The following GRIA4 variants were observed in gnomAD, a reference collection of about 807,000 sequenced individuals.
GRIA4 encodes the protein glutamate ionotropic receptor AMPA type subunit 4, also known as glutamate receptor 4.
A neutral mutation model predicts 104.0 loss-of-function variants in GRIA4; 34 were observed. The observed-to-expected ratio is 0.33, with a 90% CI of 0.25 to 0.44. The LOEUF (loss-of-function observed/expected upper bound fraction) is 0.44. Among genes scored for constraint, GRIA4 ranks in the 20% least tolerant of loss-of-function variants. The probability of loss-of-function intolerance (pLI) is 1.00; values close to 1 mark genes in which losing one functional copy is unlikely to be tolerated. For missense variants in GRIA4, 750 were observed against 1,096.5 expected (o/e 0.68, Z 4.46); for synonymous variants, 386 against 381.9 (o/e 1.01, Z -0.13).
At chr11:105,656,033 C>T (rs553973180) in intron 3 of GRIA4, among the ~76,000 whole-genome samples, 27 of 152,098 alleles carry the variant, frequency 1.8e-4, no homozygotes, top group South Asian at 1.0e-3. Context: ...TTCTAACTGG[C>T]GTGAGATGGT....
At chr11:105,617,658 T>G (rs569124928) in intron 3 of GRIA4, among the ~76,000 whole-genome samples, 1 of 152,224 alleles carries the variant, frequency 6.6e-6, no homozygotes, top group Non-Finnish European at 1.5e-5. Flanking sequence ...AAGGCTGAAG[T>G]CATATTATGT....
intron 3 of GRIA4, among the ~76,000 whole-genome samples, chr11:105,623,166 C>T (rs1231929597): frequency 1.3e-5 from 2 of 150,442 alleles, no homozygotes; most frequent in African/African-American, 4.9e-5. Flanking sequence ...GTGAATAGCT[C>T]TGTGATAAAC....
At chr11:105,959,394 G>A (rs928418816) in intron 14 of GRIA4, among the ~76,000 whole-genome samples, 6 of 151,894 alleles carry the variant, frequency 4.0e-5, no homozygotes, top group Admixed American at 1.3e-4. Flanking sequence ...TGGTCGATTC[G>A]GCTGTTGATA....
intron 4 of GRIA4, among the ~76,000 whole-genome samples, chr11:105,846,377 T>C (rs1410327499): frequency 6.6e-6 from 1 of 152,156 alleles, no homozygotes; most frequent in South Asian, 2.1e-4. Context: ...AGAAAATATT[T>C]ACATACATAT....
intron 3 of GRIA4, among the ~76,000 whole-genome samples, chr11:105,710,861 C>T (rs1490466488): frequency 1.3e-5 from 2 of 151,888 alleles, no homozygotes; most frequent in Admixed American, 1.3e-4. Flanking sequence ...TGATATTTAG[C>T]AAATATTAAA....
At chr11:105,860,016 C>T (rs955520569) in intron 4 of GRIA4, among the ~76,000 whole-genome samples, 30 of 151,814 alleles carry the variant, frequency 2.0e-4, no homozygotes, top group South Asian at 2.1e-4. Flanking sequence ...GGTTTTGGGG[C>T]GGAGGATCTA....
chr11:105,668,503 G>C (rs1328859819), intron 3 of GRIA4, among the ~76,000 whole-genome samples: 1 of 151,230 alleles, frequency 6.6e-6, no homozygotes, highest in Non-Finnish European at 1.5e-5. Flanking sequence ...ATTTCCTTCA[G>C]GTATACACCC....
chr11:105,685,451 A>G (rs1952849194), intron 3 of GRIA4, among the ~76,000 whole-genome samples: 1 of 152,184 alleles, frequency 6.6e-6, no homozygotes, highest in Non-Finnish European at 1.5e-5. Context: ...ATTATGTTAG[A>G]TTATGTGGAA....
intron 14 of GRIA4, among the ~76,000 whole-genome samples, chr11:105,951,954 C>T (rs1165210962): frequency 6.6e-6 from 1 of 151,898 alleles, no homozygotes; most frequent in Non-Finnish European, 1.5e-5. Flanking sequence ...CAGAGTGAGA[C>T]CCTGTCTCAA....
intron 4 of GRIA4, among the ~76,000 whole-genome samples, chr11:105,805,754 G>C (rs904112342): frequency 1.3e-5 from 2 of 151,768 alleles, no homozygotes; most frequent in African/African-American, 4.8e-5. Context: ...TTTTAGTAAG[G>C]ATTTATGAAA....
Position 105,924,464 on chromosome 11 carries a change from T to C in GRIA4, c.1542T>C (p.Ser514=). Residue 514 remains serine (S), a synonymous_variant, in exon 12 of 17, where the codon TCT becomes TCC. Coordinates refer to ENST00000282499, the MANE Select transcript of GRIA4 (RefSeq NM_000829.4). The part of the protein sequence containing the change: ...TLVREEVIDF[S]KPFMSLGISI... ...TACGAGAGGAGGTCATTGACTTTTC[T>C]AAGCCCTTCATGAGTTTGGGCATAT... 6.2e-7 allele frequency: 1 copy of C among 1,612,434 alleles called. No homozygotes were observed. The highest frequency in any genetic ancestry group is 1.1e-5 in the South Asian group (1 of 91,014).
chr11:105,726,358 C>CA (rs1367867738), intron 3 of GRIA4, among the ~76,000 whole-genome samples: 8 of 152,122 alleles, frequency 5.3e-5, no homozygotes, highest in Admixed American at 5.2e-4. Context: ...CCTCTCTGGG[C>CA]AAGGCATCTC....
At chr11:105,822,465 G>C (rs1943611140) in intron 4 of GRIA4, among the ~76,000 whole-genome samples, 2 of 152,030 alleles carry the variant, frequency 1.3e-5, no homozygotes, top group Non-Finnish European at 2.9e-5. Flanking sequence ...AGGGAAATTT[G>C]TTCTCATTAC....
intron 4 of GRIA4, among the ~76,000 whole-genome samples, chr11:105,828,699 C>T (rs1346612705): frequency 6.6e-6 from 1 of 151,310 alleles, no homozygotes; most frequent in East Asian, 1.9e-4. Context: ...TTCAGACTTT[C>T]ACTCTTTGTG....
intron 4 of GRIA4, among the ~76,000 whole-genome samples, chr11:105,803,124 GTGTATTGAGC>G (rs1234168000): frequency 6.6e-6 from 1 of 151,942 alleles, no homozygotes; most frequent in Non-Finnish European, 1.5e-5. Context: ...GTGTTAAAAT[GTGTATTGAGC>G]CAAGCACACT....
chr11:105,853,891 G>A (rs182604998), intron 4 of GRIA4, among the ~76,000 whole-genome samples: 43 of 152,048 alleles, frequency 2.8e-4, no homozygotes, highest in South Asian at 6.2e-4. Context: ...TCCACTCTTC[G>A]GATGCATCAT....
At chr11:105,611,211 C>A (rs898768618) in intron 2 of GRIA4, 126 bp downstream of exon 2, 20 of 719,762 alleles carry the variant, frequency 2.8e-5, no homozygotes, top group Non-Finnish European at 4.3e-5. Flanking sequence ...CTGTTTCCCT[C>A]CTCTTCCTTT....
At chr11:105,690,090 G>T (rs1953030595) in intron 3 of GRIA4, among the ~76,000 whole-genome samples, 1 of 152,074 alleles carries the variant, frequency 6.6e-6, no homozygotes, top group Non-Finnish European at 1.5e-5. Context: ...TTCCCTTAGT[G>T]TCTATACTTA....
intron 4 of GRIA4, among the ~76,000 whole-genome samples, chr11:105,834,134 G>A (rs911738414): frequency 6.6e-6 from 1 of 152,004 alleles, no homozygotes; most frequent in Non-Finnish European, 1.5e-5. Context: ...TAGATAAAAT[G>A]AGAGAATTGA....
Sources: allele counts gnomAD v4.1 joint callset (sites outside exome capture counted in the v4.1 genomes callset), GRCh38; gene constraint gnomAD v4.1.1; transcripts MANE v1.5; gene names NCBI Gene and HGNC (gene_info 2026-07-23, HGNC 2026-07-21).